The following EYS variants were observed in gnomAD, a reference collection of about 807,000 sequenced individuals.
EYS encodes the protein protein eyes shut homolog.
EYS carries 250 observed loss-of-function variants against 282.1 expected under a neutral mutation model. The observed-to-expected ratio is 0.89, with a 90% confidence interval of 0.80 to 0.98. EYS has a LOEUF of 0.98. Among genes scored for constraint, EYS ranks in the 50% least tolerant of loss-of-function variants. The pLI is 0.00. For synonymous variants in EYS, 1,355 were observed against 1,282.9 expected (o/e 1.06, Z -1.20); for missense variants, 4,016 against 3,709.0 (o/e 1.08, Z -2.15).
At chr6:64,008,922 A>G (rs2149809880) in intron 33 of EYS, among the ~76,000 whole-genome samples, 1 of 152,238 alleles carries the variant, frequency 6.6e-6, no homozygotes, top group African/African-American at 2.4e-5. Flanking sequence ...TCAACCTTGG[A>G]GAATCTGACG....
At chr6:65,492,332 G>GAAACAAAC (rs3049751) in intron 4 of EYS, among the ~76,000 whole-genome samples, 4,090 of 149,896 alleles carry the variant, frequency 0.027, 171 homozygotes, top group African/African-American at 0.087. Context: ...AAGAAAGAAA[G>GAAACAAAC]AAACAAACAA....
intron 28 of EYS, among the ~76,000 whole-genome samples, chr6:64,435,894 A>G (rs1026343082): frequency 6.6e-6 from 1 of 151,970 alleles, no homozygotes; most frequent in Non-Finnish European, 1.5e-5. Flanking sequence ...TTACCAGTTT[A>G]GTTGATTTGT....
At position 64,151,369 on chromosome 6, in the gene EYS, T is replaced by TTTTTTC. The variant is rs555990078; in HGVS notation, c.6425-69373_6425-69368dup. Among the ~76,000 whole-genome samples the TTTTTTC allele has an allele frequency of 1.2e-3, 137 of 117,510 alleles. 1 individual carries two copies. Among genetic ancestry groups the TTTTTTC allele is most frequent in the African/African-American group, 5.0e-3 (133 of 26,424 alleles). The allele number at this position is 117,510 out of a possible 152,430, so 77.1% of individuals were successfully genotyped here. ...TATATATATATATATATATAATTTTTTTTTTCTTTTGAGATGGAGTCTCGC... is the reference window on the plus strand; with the variant it reads ...TATATATATATATATATATAATTTTTTTTTTCTTTTTCTTTTGAGATGGAGTCTCGC... On this transcript the variant is annotated intron_variant, in intron 31 of 42. Coordinates refer to ENST00000503581, the MANE Select transcript of EYS (RefSeq NM_001142800.2).
chr6:65,394,005 G>C (rs1414129905), intron 7 of EYS, among the ~76,000 whole-genome samples: 2 of 151,962 alleles, frequency 1.3e-5, no homozygotes, highest in South Asian at 2.1e-4. Flanking sequence ...CTAATATTTA[G>C]TCAGTGGCAT....
At chr6:65,196,862 G>T (rs1431183428) in intron 12 of EYS, among the ~76,000 whole-genome samples, 4 of 152,022 alleles carry the variant, frequency 2.6e-5, no homozygotes, top group African/African-American at 9.7e-5. Flanking sequence ...GAGTGGTAGG[G>T]AATTTATAGG....
At chr6:64,206,212 G>T (rs767386780) in intron 31 of EYS, among the ~76,000 whole-genome samples, 8 of 151,608 alleles carry the variant, frequency 5.3e-5, no homozygotes, top group Non-Finnish European at 1.2e-4. Flanking sequence ...TTATAAATTA[G>T]AACACTATAC....
At position 64,652,214 on chromosome 6, in the gene EYS, A is replaced by G. The variant is rs116406787; in HGVS notation, c.3444-25969T>C. 5.8e-3 allele frequency among the ~76,000 whole-genome samples: 882 copies of G among 152,326 alleles called. 3 individuals are homozygous for G. The highest frequency in any genetic ancestry group is 9.9e-3 in the Non-Finnish European group (672 of 68,030). Reference sequence around the variant, plus strand: ...TTAAGTATAAATGAAGCCTACTAATATTATGAAATGTCACTTTGTGATCAA... The same window carrying G: ...TTAAGTATAAATGAAGCCTACTAATGTTATGAAATGTCACTTTGTGATCAA... On this transcript the variant is annotated intron_variant, in intron 22 of 42. Transcript: ENST00000503581.
chr6:65,618,063 T>C (rs1403744893), intron 2 of EYS, among the ~76,000 whole-genome samples: 2 of 152,180 alleles, frequency 1.3e-5, no homozygotes, highest in Admixed American at 6.5e-5. Flanking sequence ...TTTGGGTATA[T>C]ACCCAGTAAT....
At chr6:65,046,083 C>T (rs191631950) in intron 13 of EYS, among the ~76,000 whole-genome samples, 64 of 151,944 alleles carry the variant, frequency 4.2e-4, no homozygotes, top group Middle Eastern at 3.4e-3. Context: ...GGATTACATT[C>T]CCCTGGTTAT....
intron 31 of EYS, among the ~76,000 whole-genome samples, chr6:64,146,005 T>C (rs1774507223): frequency 6.6e-6 from 1 of 151,996 alleles, no homozygotes; most frequent in African/African-American, 2.4e-5. Flanking sequence ...ATAGTGTAAC[T>C]CTAACTTAAA....
intron 33 of EYS, among the ~76,000 whole-genome samples, chr6:64,053,083 TCATA>T (rs1387709326): frequency 1.3e-5 from 2 of 152,284 alleles, no homozygotes; most frequent in East Asian, 1.9e-4. Context: ...TTTAAATTTA[TCATA>T]CATATTTTGT....
chr6:64,349,405 A>G (rs1451943904), intron 29 of EYS, among the ~76,000 whole-genome samples: 1 of 150,356 alleles, frequency 6.7e-6, no homozygotes, highest in Non-Finnish European at 1.5e-5. Context: ...CTTATTATTT[A>G]TTGAAAGTAG....
chr6:63,818,671 C>G (rs1033617240), intron 36 of EYS, among the ~76,000 whole-genome samples: 1 of 152,200 alleles, frequency 6.6e-6, no homozygotes, highest in Admixed American at 6.5e-5. Context: ...CTCTCACATT[C>G]CAGGCCACCA....
intron 35 of EYS, among the ~76,000 whole-genome samples, chr6:63,951,579 C>T (rs1438342183): frequency 2.0e-5 from 3 of 152,112 alleles, no homozygotes; most frequent in Non-Finnish European, 4.4e-5. Flanking sequence ...TCAGGTCACT[C>T]CCCACCAGGC....
intron 33 of EYS, among the ~76,000 whole-genome samples, chr6:64,003,340 G>A (rs560700024): frequency 6.6e-6 from 1 of 152,220 alleles, no homozygotes; most frequent in South Asian, 2.1e-4. Context: ...GATTGTTACT[G>A]GGTACAAAAA....
chr6:64,058,070 C>T (rs1374935998), intron 33 of EYS, among the ~76,000 whole-genome samples: 2 of 152,072 alleles, frequency 1.3e-5, no homozygotes, highest in African/African-American at 2.4e-5. Context: ...GTGGGAGAGA[C>T]CCAGTGGGAG....
intron 24 of EYS, among the ~76,000 whole-genome samples, chr6:64,613,553 C>T (rs1162375): frequency 0.048 from 7,342 of 152,088 alleles, 566 homozygotes; most frequent in African/African-American, 0.17. Flanking sequence ...CTTCTGCCCC[C>T]AAACATTGGA....
At chr6:64,756,112 A>T (rs1772928676) in intron 22 of EYS, among the ~76,000 whole-genome samples, 1 of 152,174 alleles carries the variant, frequency 6.6e-6, no homozygotes, top group Admixed American at 6.5e-5. Flanking sequence ...TAATCCATGC[A>T]TACACTGACC....
At chr6:65,262,813 A>G (rs1767654099) in intron 12 of EYS, among the ~76,000 whole-genome samples, 1 of 152,054 alleles carries the variant, frequency 6.6e-6, no homozygotes. Context: ...CCTTTAAAAG[A>G]TTTTAAGGGG....
Sources: allele counts gnomAD v4.1 joint callset (sites outside exome capture counted in the v4.1 genomes callset), GRCh38; gene constraint gnomAD v4.1.1; transcripts MANE v1.5; gene names NCBI Gene and HGNC (gene_info 2026-07-23, HGNC 2026-07-21).